The following ELP1 variants were observed in gnomAD, a reference collection of about 807,000 sequenced individuals.
The protein encoded by ELP1 is elongator acetyltransferase complex subunit 1.
In ELP1, 131 loss-of-function variants were observed where a neutral mutation model predicts 183.2. The ratio of observed to expected loss-of-function variants is 0.72; its 90% CI spans 0.62 to 0.83. The LOEUF is 0.83. Ranked by LOEUF, ELP1 falls within the 40% of genes least tolerant of loss-of-function variation. The pLI is 0.00. For missense variants in ELP1, 1,550 were observed against 1,594.9 expected (o/e 0.97, Z 0.48); for synonymous variants, 555 against 569.0 (o/e 0.98, Z 0.35).
intron 36 of ELP1, among the ~76,000 whole-genome samples, chr9:108,871,960 T>C (rs1827475080): frequency 6.6e-6 from 1 of 152,238 alleles, no homozygotes; most frequent in African/African-American, 2.4e-5. Context: ...TCATTTATCT[T>C]GAAGTGGTGG....
chr9:108,873,511 T>C (rs1290266576), intron 36 of ELP1, among the ~76,000 whole-genome samples: 1 of 151,960 alleles, frequency 6.6e-6, no homozygotes. Flanking sequence ...TATTACAGAG[T>C]GTCTTTAAGG....
At chr9:108,897,762 G>T (rs565486813) in intron 22 of ELP1, among the ~76,000 whole-genome samples, 13 of 152,290 alleles carry the variant, frequency 8.5e-5, no homozygotes, top group Admixed American at 2.0e-4. Flanking sequence ...ATGGGACAGG[G>T]ACTGATTGAA....
intron 32 of ELP1, 83 bp from the exon 33 acceptor site, chr9:108,879,640 A>G: frequency 3.5e-6 from 3 of 852,228 alleles, no homozygotes; most frequent in Non-Finnish European, 5.9e-6. Context: ...TGAACTAACT[A>G]GAGTCAACTG....
At chr9:108,918,991 A>C in intron 7 of ELP1, 90 bp from the exon 8 acceptor site, 1 of 980,374 alleles carries the variant, frequency 1.0e-6, no homozygotes, top group Non-Finnish European at 1.6e-6. Flanking sequence ...CCTTCCTTAC[A>C]AATAAAAACT....
chr9:108,913,354 A>G (rs1320609584), intron 10 of ELP1, among the ~76,000 whole-genome samples: 1 of 152,216 alleles, frequency 6.6e-6, no homozygotes, highest in East Asian at 1.9e-4. Flanking sequence ...TTATCCTTCC[A>G]ACATCTATTA....
In ELP1 at chr9:108,934,120, A is replaced by G. The variant is rs1004701515; in HGVS notation, c.-312T>C. The G allele has an allele frequency of 5.7e-5, 13 of 226,708 alleles. No homozygotes were observed. Among genetic ancestry groups the G allele is most frequent in the Non-Finnish European group, 1.1e-4 (13 of 113,830 alleles). The allele number at this position is 226,708 out of a possible 1,614,324, so 14.0% of individuals were successfully genotyped here. A position where few individuals can be genotyped will look rare whatever the true frequency, so the allele number is the denominator to read the frequency against. ...TCAACTAGGCAGCCGCAGCACTGGG[A>G]GTGCGGCGCGGGAGTGACGTCACCA... On this transcript the variant is annotated 5_prime_UTR_variant, in exon 1 of 37. Coordinates refer to ENST00000374647, the MANE Select transcript of ELP1 (RefSeq NM_003640.5).
chr9:108,931,802 A>G (rs1192585190), intron 1 of ELP1, among the ~76,000 whole-genome samples: 6 of 152,232 alleles, frequency 3.9e-5, no homozygotes. Context: ...GATGACCAAC[A>G]TTTCAAGGAC....
intron 29 of ELP1, 31 bp from the exon 30 acceptor site, chr9:108,882,218 T>C: frequency 6.3e-7 from 1 of 1,598,232 alleles, no homozygotes; most frequent in Non-Finnish European, 8.6e-7. Flanking sequence ...AGACAACAAG[T>C]GAAGAGAGCA....
chr9:108,920,654 T>C (rs1456167530), intron 6 of ELP1, among the ~76,000 whole-genome samples: 1 of 151,568 alleles, frequency 6.6e-6, no homozygotes, highest in Non-Finnish European at 1.5e-5. Context: ...AGGGCTAGAA[T>C]AACACAACTT....
chr9:108,910,365 G>T (rs1198460597), intron 12 of ELP1, among the ~76,000 whole-genome samples: 2 of 152,136 alleles, frequency 1.3e-5, no homozygotes, highest in East Asian at 1.9e-4. Flanking sequence ...CAACTATCTA[G>T]GCTTTTTCTG....
chr9:108,897,258 G>T lies in ELP1; in HGVS notation c.2391C>A (p.Tyr797Ter). The change falls in exon 23 of 37, where the codon TAC (tyrosine) becomes TAA (stop). Residue 797 changes from tyrosine to a stop codon, truncating the protein, a stop_gained. Coordinates refer to ENST00000374647, the MANE Select transcript of ELP1 (RefSeq NM_003640.5). LOFTEE classifies it high-confidence loss of function. ...LKEEDVTKTM[Y>*]PAPVTSSVYL... ...AGACACTGCTGGTAACTGGTGCAGGGTACATGGTCTTCGTGACATCTTCTT... is the reference window on the plus strand; with the variant it reads ...AGACACTGCTGGTAACTGGTGCAGGTTACATGGTCTTCGTGACATCTTCTT... The T allele has an allele frequency of 6.2e-7, 1 of 1,614,110 alleles. No homozygotes were observed. Among genetic ancestry groups the T allele is most frequent in the Non-Finnish European group, 8.5e-7 (1 of 1,180,016 alleles).
rs187741598 is a variant in ELP1 at position 108,898,803 on chromosome 9, T to C, written c.2205-54A>G. 7.3e-5 allele frequency: 87 copies of C among 1,187,468 alleles called. No homozygotes were observed. In the African/African-American group the frequency reaches 1.1e-3, roughly 15 times the overall value. 73.6% of individuals were successfully genotyped at this position (1,187,468 alleles called of 1,614,324 possible). ...AGATATTCACAAAAACTGAGCTCCA[T>C]GGGCCCAGCATATTTTCATTATGAT... is the stretch of plus-strand genomic sequence containing the variant. On this transcript the variant is annotated intron_variant, in intron 20 of 36. Coordinates refer to ENST00000374647, the MANE Select transcript of ELP1 (RefSeq NM_003640.5).
intron 11 of ELP1, among the ~76,000 whole-genome samples, chr9:108,911,515 A>G (rs964156896): frequency 6.6e-6 from 1 of 152,222 alleles, no homozygotes; most frequent in African/African-American, 2.4e-5. Flanking sequence ...GGGAATTAAT[A>G]CTTTCAAAAT....
In ELP1 at chr9:108,929,868, A is replaced by G; in HGVS notation, c.204T>C (p.Ser68=). 1 of 1,613,930 alleles carries G rather than the reference A, an allele frequency of 6.2e-7. No homozygotes were observed. Among genetic ancestry groups the G allele is most frequent in the Non-Finnish European group, 8.5e-7 (1 of 1,180,032 alleles). The stretch of plus-strand genomic sequence containing the variant: ...AGTCCTGAACACCAACAATGCGGCC[A>G]CTTCCATCCTCTGGGAGAAAGCCTT... ...VAEGFLPEDG[S]GRIVGVQDLL... Residue 68 remains serine, a synonymous_variant, in exon 3 of 37, where the codon AGT becomes AGC. Transcript: ENST00000374647.
chr9:108,881,097 A>C (rs1827912279), intron 31 of ELP1, among the ~76,000 whole-genome samples: 1 of 152,210 alleles, frequency 6.6e-6, no homozygotes, highest in African/African-American at 2.4e-5. Flanking sequence ...TTCTCTAAGA[A>C]CCACAAACTT....
rs1227753250 is a variant in ELP1, at chr9:108,912,399, C to T, written c.1054G>A (p.Asp352Asn). The T allele has an allele frequency of 1.2e-6, 2 of 1,614,066 alleles. No individual in the cohort carries two copies. The highest frequency in any genetic ancestry group is 3.3e-5 in the Admixed American group (2 of 60,016). ...TGCAGCCGGTATGGGGTCACAGGGT[C>T]CCACATCAGAGACACAATCTTGCTC... Reference protein sequence around the residue: ...GKSKIVSLMWDPVTPYRLHVL... With the variant: ...GKSKIVSLMWNPVTPYRLHVL... Residue 352 changes from aspartate (D) to asparagine (N), a missense_variant, in exon 11 of 37, where the codon GAC (aspartate) becomes AAC (asparagine). Physicochemically the swap from Asp to Asn is conservative, Grantham distance 23. Coordinates refer to ENST00000374647, the MANE Select transcript of ELP1 (RefSeq NM_003640.5).
At chr9:108,911,950 ACACCCAATCC>A (rs1829237645) in intron 11 of ELP1, among the ~76,000 whole-genome samples, 1 of 152,106 alleles carries the variant, frequency 6.6e-6, no homozygotes, top group Non-Finnish European at 1.5e-5. Flanking sequence ...TAAAGCTAAC[ACACCCAATCC>A]CACAAGACTG....
chr9:108,868,678 C>A lies in ELP1; in HGVS notation c.*437G>T. 1 of 465,772 alleles carries A rather than the reference C, an allele frequency of 2.1e-6. No individual in the cohort carries two copies. Among genetic ancestry groups the A allele is most frequent in the Non-Finnish European group, 3.8e-6 (1 of 266,322 alleles). 28.9% of individuals were successfully genotyped at this position (465,772 alleles called of 1,614,324 possible). On this transcript the variant is annotated 3_prime_UTR_variant, in exon 37 of 37. Transcript: ENST00000374647. ...TTTATTCTGCTTTAGTTTAAGGTGA[C>A]AAGAAGCTATTTAAGTGATTACATT...
intron 6 of ELP1, among the ~76,000 whole-genome samples, chr9:108,920,251 T>C (rs886249578): frequency 6.6e-6 from 1 of 152,034 alleles, no homozygotes; most frequent in African/African-American, 2.4e-5. Flanking sequence ...CAACCCTTGG[T>C]ATCCTCCTCA....
Sources: gnomAD v4.1 joint callset for allele counts (sites outside exome capture counted in the v4.1 genomes callset) on GRCh38, gnomAD v4.1.1 for gene constraint, MANE v1.5 for transcripts, NCBI Gene and HGNC (gene_info 2026-07-23, HGNC 2026-07-21) for gene names.